The following BANK1 variants were observed in gnomAD, a reference collection of about 807,000 sequenced individuals.
The protein encoded by BANK1 is B cell scaffold protein with ankyrin repeats 1, also known as B-cell scaffold protein with ankyrin repeats.
A neutral mutation model predicts 94.5 loss-of-function variants in BANK1; 95 were observed. The observed-to-expected ratio is 1.00, with a 90% CI of 0.85 to 1.19. BANK1 has a LOEUF of 1.19. BANK1 is among the 50% of genes most tolerant of loss of function. BANK1 has a pLI of 0.00. For missense variants in BANK1, 987 were observed against 932.2 expected (o/e 1.06, Z -0.77); for synonymous variants, 334 against 308.4 (o/e 1.08, Z -0.87).
chr4:101,989,752 G>T (rs1725639186), intron 7 of BANK1, among the ~76,000 whole-genome samples: 1 of 151,898 alleles, frequency 6.6e-6, no homozygotes, highest in Non-Finnish European at 1.5e-5. Flanking sequence ...TTAAATCCAG[G>T]TTATGTATTT....
chr4:101,826,575 C>G (rs928368804), intron 1 of BANK1, among the ~76,000 whole-genome samples: 3 of 151,928 alleles, frequency 2.0e-5, no homozygotes, highest in Admixed American at 6.6e-5. Context: ...AGAAAACCCT[C>G]CTCCTACCGT....
At chr4:101,881,911 C>T (rs1224950771) in intron 5 of BANK1, among the ~76,000 whole-genome samples, 2 of 149,042 alleles carry the variant, frequency 1.3e-5, no homozygotes, top group Non-Finnish European at 3.0e-5. Context: ...GGATGGTTAC[C>T]AGAGGCTGGA....
At chr4:101,803,313 G>A (rs946020195) in intron 1 of BANK1, among the ~76,000 whole-genome samples, 14 of 152,092 alleles carry the variant, frequency 9.2e-5, no homozygotes, top group African/African-American at 3.1e-4. Flanking sequence ...TTGAGTGAGA[G>A]GGAGGGAATT....
intron 7 of BANK1, among the ~76,000 whole-genome samples, chr4:101,989,431 CAAA>C (rs899065744): frequency 1.3e-4 from 4 of 31,074 alleles, no homozygotes; most frequent in Non-Finnish European, 2.1e-4. Flanking sequence ...GACTCCGTCT[CAAA>C]AAAAAAAAAA....
chr4:101,844,093 T>C (rs1727158514), intron 2 of BANK1, among the ~76,000 whole-genome samples: 1 of 152,094 alleles, frequency 6.6e-6, no homozygotes. Context: ...CTTTAATCCA[T>C]GGAGTTGAGG....
chr4:101,921,750 T>C (rs1723005043), intron 7 of BANK1, among the ~76,000 whole-genome samples: 2 of 151,960 alleles, frequency 1.3e-5, no homozygotes, highest in African/African-American at 2.4e-5. Context: ...CACCACTGTG[T>C]TCACTTGTAG....
intron 7 of BANK1, among the ~76,000 whole-genome samples, chr4:101,982,614 G>A (rs963277600): frequency 6.6e-6 from 1 of 151,778 alleles, no homozygotes; most frequent in African/African-American, 2.4e-5. Flanking sequence ...ACTTACTATA[G>A]TACTTACTAT....
chr4:101,938,736 A>G (rs940862143), intron 7 of BANK1, among the ~76,000 whole-genome samples: 2 of 151,706 alleles, frequency 1.3e-5, no homozygotes, highest in African/African-American at 4.8e-5. Flanking sequence ...ACTAATGGCA[A>G]TGCATCCCAA....
chr4:102,030,098 A>G lies in BANK1; in HGVS notation c.1733A>G (p.Tyr578Cys). ...EKEQEEEEDPYTFAEIDDSEY... is the reference protein window; with the variant it reads ...EKEQEEEEDPCTFAEIDDSEY... ...GAGCAGGAGGAGGAAGAAGACCCATATACTTTTGCTGAGATTGATGACAGT... is the reference window on the plus strand; with the variant it reads ...GAGCAGGAGGAGGAAGAAGACCCATGTACTTTTGCTGAGATTGATGACAGT... Residue 578 changes from tyrosine (Y) to cysteine (C), a missense_variant, in exon 10 of 17, where the codon TAT becomes TGT. Coordinates refer to ENST00000322953, the MANE Select transcript of BANK1 (RefSeq NM_017935.5). 6.2e-7 allele frequency: 1 copy of G among 1,614,076 alleles called. No homozygotes were observed. Among genetic ancestry groups the G allele is most frequent in the Non-Finnish European group, 8.5e-7 (1 of 1,179,984 alleles).
intron 7 of BANK1, among the ~76,000 whole-genome samples, chr4:101,995,108 C>CCCCTG (rs1725832664): frequency 1.3e-5 from 2 of 152,024 alleles, no homozygotes; most frequent in Admixed American, 1.3e-4. Context: ...AACCCCCCAC[C>CCCCTG]ACCTGACAGG....
intron 2 of BANK1, 91 bp from the exon 3 acceptor site, chr4:101,854,944 A>G: frequency 1.0e-6 from 1 of 959,342 alleles, no homozygotes; most frequent in South Asian, 1.9e-5. Flanking sequence ...CGTATATTAA[A>G]TTGGTTGTTT....
At chr4:101,804,982 C>T (rs745901116) in intron 1 of BANK1, among the ~76,000 whole-genome samples, 1 of 152,262 alleles carries the variant, frequency 6.6e-6, no homozygotes. Context: ...TGCATCTCAA[C>T]TAATCAAATT....
intron 7 of BANK1, among the ~76,000 whole-genome samples, chr4:102,003,941 G>GTA (rs1560679870): frequency 6.7e-6 from 1 of 149,088 alleles, no homozygotes; most frequent in African/African-American, 2.5e-5. Flanking sequence ...GTGTATATAC[G>GTA]TATATATACA....
intron 5 of BANK1, among the ~76,000 whole-genome samples, chr4:101,880,036 A>G (rs1728620000): frequency 6.6e-6 from 1 of 152,100 alleles, no homozygotes; most frequent in Non-Finnish European, 1.5e-5. Flanking sequence ...GAAGATGACA[A>G]AGATGCCCAC....
intron 2 of BANK1, among the ~76,000 whole-genome samples, chr4:101,840,230 A>C (rs1040654740): frequency 2.6e-5 from 4 of 151,774 alleles, no homozygotes; most frequent in African/African-American, 9.7e-5. Context: ...GGCCTCCCGA[A>C]GTGCTGGCAT....
At chr4:101,889,194 A>G (rs1327715080) in intron 5 of BANK1, among the ~76,000 whole-genome samples, 2 of 152,144 alleles carry the variant, frequency 1.3e-5, no homozygotes, top group South Asian at 2.1e-4. Context: ...AAACTCATGT[A>G]TGTAGAATTG....
chr4:101,899,422 C>A (rs947536250), intron 6 of BANK1, among the ~76,000 whole-genome samples: 1 of 152,104 alleles, frequency 6.6e-6, no homozygotes, highest in Non-Finnish European at 1.5e-5. Context: ...CAAATTTTCG[C>A]ATCTCTTGCC....
At chr4:101,899,856 C>G (rs1003417494) in intron 6 of BANK1, among the ~76,000 whole-genome samples, 1 of 152,210 alleles carries the variant, frequency 6.6e-6, no homozygotes, top group Non-Finnish European at 1.5e-5. Flanking sequence ...GACATTCTTA[C>G]AGAGTCAAAG....
intron 2 of BANK1, among the ~76,000 whole-genome samples, chr4:101,848,289 G>T (rs1272552608): frequency 1.3e-5 from 2 of 152,106 alleles, no homozygotes; most frequent in Non-Finnish European, 2.9e-5. Flanking sequence ...GTTTGTTCTT[G>T]TAGTTAATCT....
Sources: gnomAD v4.1 joint callset for allele counts (sites outside exome capture counted in the v4.1 genomes callset) on GRCh38, gnomAD v4.1.1 for gene constraint, MANE v1.5 for transcripts, NCBI Gene and HGNC (gene_info 2026-07-23, HGNC 2026-07-21) for gene names.